Variants in DIS3L2 observed in about 807,000 individuals in gnomAD.
The protein encoded by DIS3L2 is DIS3 like 3'-5' exoribonuclease 2.
A neutral mutation model predicts 97.5 loss-of-function variants in DIS3L2; 34 were observed. The observed-to-expected ratio is 0.35, with a 90% CI of 0.27 to 0.46. The LOEUF is 0.46. Among genes scored for constraint, DIS3L2 ranks in the 20% least tolerant of loss-of-function variants. DIS3L2 has a pLI of 1.00. For missense variants in DIS3L2, 1,038 were observed against 1,146.0 expected, an observed-to-expected ratio of 0.91 and a Z score of 1.36; for synonymous variants, 435 against 445.2, an observed-to-expected ratio of 0.98 and a Z score of 0.29.
chr2:231,989,901 A>G (rs1054377516), intron 1 of DIS3L2, among the ~76,000 whole-genome samples: 12 of 152,290 alleles, frequency 7.9e-5, no homozygotes, highest in African/African-American at 2.6e-4. Flanking sequence ...GAGTAGAGAC[A>G]AGGGTCAATG....
chr2:232,122,093 T>G (rs1281706044), intron 6 of DIS3L2, among the ~76,000 whole-genome samples: 1 of 152,222 alleles, frequency 6.6e-6, no homozygotes, highest in African/African-American at 2.4e-5. Flanking sequence ...CCATTGCCTT[T>G]GTGATAATCC....
At chr2:232,068,370 A>G (rs1385171879) in intron 5 of DIS3L2, among the ~76,000 whole-genome samples, 1 of 150,426 alleles carries the variant, frequency 6.6e-6, no homozygotes, top group Non-Finnish European at 1.5e-5. Flanking sequence ...CCAGGAGTCC[A>G]AGACCAGCCT....
intron 6 of DIS3L2, among the ~76,000 whole-genome samples, chr2:232,129,156 C>A (rs754634977): frequency 2.6e-5 from 4 of 152,158 alleles, no homozygotes; most frequent in Non-Finnish European, 5.9e-5. Context: ...AGCTGTTTGC[C>A]CAGGATTTAG....
intron 6 of DIS3L2, among the ~76,000 whole-genome samples, chr2:232,129,340 CA>C (rs1388430046): frequency 1.3e-5 from 2 of 152,120 alleles, no homozygotes; most frequent in African/African-American, 4.8e-5. Flanking sequence ...TGTTATGGAA[CA>C]AACAGATCAA....
chr2:232,138,111 A>G (rs909328408), intron 8 of DIS3L2, among the ~76,000 whole-genome samples: 2 of 152,176 alleles, frequency 1.3e-5, no homozygotes, highest in African/African-American at 4.8e-5. Context: ...TTAGTTTTCA[A>G]GTTGTAAGGG....
intron 6 of DIS3L2, among the ~76,000 whole-genome samples, chr2:232,101,454 A>T (rs1392322537): frequency 1.3e-5 from 2 of 152,186 alleles, no homozygotes; most frequent in East Asian, 3.8e-4. Flanking sequence ...ACCCATATTT[A>T]TCATCAGTAT....
intron 5 of DIS3L2, among the ~76,000 whole-genome samples, chr2:232,078,598 C>G (rs78789998): frequency 0.15 from 23,528 of 152,160 alleles, 1,983 homozygotes; most frequent in African/African-American, 0.21. Flanking sequence ...TCTGAAAGCT[C>G]TTGCATCTTG....
intron 8 of DIS3L2, among the ~76,000 whole-genome samples, chr2:232,158,471 C>A (rs540974891): frequency 6.6e-6 from 1 of 152,242 alleles, no homozygotes; most frequent in East Asian, 1.9e-4. Flanking sequence ...TCTGTCTTAG[C>A]CTGGCAGCTA....
At chr2:231,994,706 A>G (rs571274246) in intron 1 of DIS3L2, among the ~76,000 whole-genome samples, 2 of 152,096 alleles carry the variant, frequency 1.3e-5, no homozygotes, top group African/African-American at 4.8e-5. Flanking sequence ...ACTCTCCAAC[A>G]TTAGTTACTT....
chr2:232,226,443 G>T (rs1344286066), intron 10 of DIS3L2, among the ~76,000 whole-genome samples: 1 of 152,132 alleles, frequency 6.6e-6, no homozygotes, highest in Admixed American at 6.6e-5. Flanking sequence ...AATATTAATA[G>T]TACCTACCTC....
At chr2:232,224,247 G>A (rs1232693815) in intron 10 of DIS3L2, among the ~76,000 whole-genome samples, 19 of 152,168 alleles carry the variant, frequency 1.2e-4, no homozygotes, top group Non-Finnish European at 1.0e-4. Context: ...TGTGTAGTGA[G>A]GAAAAGATGG....
At chr2:232,241,991 GA>G (rs1693113796) in intron 11 of DIS3L2, among the ~76,000 whole-genome samples, 2 of 151,868 alleles carry the variant, frequency 1.3e-5, no homozygotes, top group Admixed American at 1.3e-4. Flanking sequence ...AGAGATCAAA[GA>G]TTGGGATTGG....
At chr2:232,029,835 G>A (rs1694754140) in intron 4 of DIS3L2, 144 bp from the exon 5 acceptor site, 2 of 587,714 alleles carry the variant, frequency 3.4e-6, no homozygotes, top group Admixed American at 3.6e-5. Context: ...TATTAAAAAG[G>A]TATCAGCATG....
chr2:232,148,823 T>A (rs1177046355), intron 8 of DIS3L2, among the ~76,000 whole-genome samples: 2 of 123,950 alleles, frequency 1.6e-5, no homozygotes, highest in Non-Finnish European at 3.2e-5. Context: ...TCCAAAAAAA[T>A]AATTTCTTTC....
intron 11 of DIS3L2, among the ~76,000 whole-genome samples, chr2:232,239,342 G>A (rs1246336846): frequency 1.3e-5 from 2 of 152,140 alleles, no homozygotes; most frequent in Non-Finnish European, 2.9e-5. Flanking sequence ...TATATATTGA[G>A]CACCAATTAT....
rs11689343 is a variant in DIS3L2 at position 232,164,949 on chromosome 2, A to G, written c.1124+1317A>G. On this transcript the variant is annotated intron_variant, in intron 9 of 20. Transcript: ENST00000325385. ...ATCTAGGAATCTATCTAATGATTTA[A>G]TGGGAAAAGAATGCTAGAATAAATG... is the stretch of plus-strand genomic sequence containing the variant. 5.5e-3 allele frequency among the ~76,000 whole-genome samples: 836 copies of G among 152,338 alleles called. 3 individuals carry two copies. Among genetic ancestry groups the G allele is most frequent in the African/African-American group, 9.4e-3 (391 of 41,584 alleles).
Position 232,334,434 on chromosome 2 carries a change from C to T in DIS3L2, c.2224C>T (p.Arg742Cys), listed in dbSNP as rs766597912. ...LQKQADHCND[R>C]RMASKRVQEL... ...GAAACAGGCGGACCACTGTAACGAC[C>T]GCCGCATGGCGTCCAAGCGCGTGCA... is the stretch of plus-strand genomic sequence containing the variant. The change falls in exon 18 of 21, where the codon CGC becomes TGC. Residue 742 changes from arginine (R) to cysteine (C), a missense_variant. By Grantham distance (180) the Arg-to-Cys change is radical. Coordinates refer to ENST00000325385, the MANE Select transcript of DIS3L2 (RefSeq NM_152383.5). 5.0e-6 allele frequency: 8 copies of T among 1,613,734 alleles called. No homozygotes were observed. Among genetic ancestry groups the T allele is most frequent in the East Asian group, 2.2e-5 (1 of 44,892 alleles).
At chr2:232,227,613 A>G (rs1370628422) in intron 10 of DIS3L2, among the ~76,000 whole-genome samples, 3 of 152,162 alleles carry the variant, frequency 2.0e-5, no homozygotes, top group Non-Finnish European at 4.4e-5. Context: ...CATGCAAATA[A>G]ATTAATAAGT....
chr2:232,195,864 T>G (rs956712772), intron 9 of DIS3L2, among the ~76,000 whole-genome samples: 1 of 152,154 alleles, frequency 6.6e-6, no homozygotes, highest in Non-Finnish European at 1.5e-5. Flanking sequence ...TTTTAAATCT[T>G]GCTAATTTAT....
Sources: gnomAD v4.1 joint callset for allele counts (sites outside exome capture counted in the v4.1 genomes callset) on GRCh38, gnomAD v4.1.1 for gene constraint, MANE v1.5 for transcripts, NCBI Gene and HGNC (gene_info 2026-07-23, HGNC 2026-07-21) for gene names.